MYO1B: variants seen among roughly 807,000 people sequenced by gnomAD.
MYO1B encodes myosin IB.
In MYO1B, 72 loss-of-function variants were observed where a neutral mutation model predicts 159.7. That is an observed-to-expected ratio of 0.45 (90% CI 0.37 to 0.55). The LOEUF is 0.55. Ranked by LOEUF, MYO1B falls within the 20% of genes least tolerant of loss-of-function variation. MYO1B has a pLI of 0.00. For missense variants in MYO1B, 1,062 were observed against 1,364.8 expected (o/e 0.78, Z 3.50); for synonymous variants, 468 against 473.8 (o/e 0.99, Z 0.16).
intron 27 of MYO1B, among the ~76,000 whole-genome samples, chr2:191,411,963 T>C (rs1697275652): frequency 1.3e-5 from 2 of 152,274 alleles, no homozygotes; most frequent in African/African-American, 4.8e-5. Context: ...GAATGTATTA[T>C]ATGCTGAGTA....
At chr2:191,329,490 CAT>C (rs1691316033) in intron 3 of MYO1B, among the ~76,000 whole-genome samples, 1 of 151,672 alleles carries the variant, frequency 6.6e-6, no homozygotes, top group Non-Finnish European at 1.5e-5. Flanking sequence ...CAATTTTAGA[CAT>C]GTGGTGTAAC....
chr2:191,414,200 A>C lies in MYO1B; in HGVS notation c.3006+20A>C. 1 of 1,601,884 alleles carries C rather than the reference A, an allele frequency of 6.2e-7. No homozygotes were observed. The highest frequency in any genetic ancestry group is 2.2e-5 in the East Asian group (1 of 44,708). On this transcript the variant is annotated intron_variant, in intron 28 of 30. Transcript: ENST00000392318. ...GGGAAGGTAAAAATGCTAACCTTGA[A>C]GACTGATAAGAAGTACCTATTAGTT... is the stretch of plus-strand genomic sequence containing the variant.
At chr2:191,270,767 T>G (rs1011372571) in intron 1 of MYO1B, among the ~76,000 whole-genome samples, 1 of 152,236 alleles carries the variant, frequency 6.6e-6, no homozygotes, top group Non-Finnish European at 1.5e-5. Flanking sequence ...CTCCATTTTC[T>G]TACCTAAATA....
rs779936278 is a variant in MYO1B at position 191,423,817 on chromosome 2, G to A, written c.3288-20G>A. The A allele has an allele frequency of 1.2e-6, 2 of 1,600,326 alleles. No homozygotes were observed. Among genetic ancestry groups the A allele is most frequent in the South Asian group, 2.3e-5 (2 of 88,668 alleles). On this transcript the variant is annotated intron_variant, in intron 30 of 30. Transcript: ENST00000392318. ...AGCTGTTTTGTGTATACTTTAATTT[G>A]TTTTATTCTTTTCTCCTAGGTTCCT... is the stretch of plus-strand genomic sequence containing the variant.
At chr2:191,420,876 A>G (rs1372203206) in intron 30 of MYO1B, among the ~76,000 whole-genome samples, 1 of 152,224 alleles carries the variant, frequency 6.6e-6, no homozygotes, top group Admixed American at 6.5e-5. Flanking sequence ...TATGAATGCC[A>G]TGAAATAATA....
At chr2:191,309,741 G>T (rs550443889) in intron 3 of MYO1B, among the ~76,000 whole-genome samples, 1 of 152,324 alleles carries the variant, frequency 6.6e-6, no homozygotes, top group South Asian at 2.1e-4. Context: ...AGCAATCCCT[G>T]AAATAGCCAA....
At chr2:191,352,684 A>G (rs1248526206) in intron 7 of MYO1B, among the ~76,000 whole-genome samples, 11 of 152,186 alleles carry the variant, frequency 7.2e-5, no homozygotes, top group Non-Finnish European at 1.6e-4. Context: ...TAGTGAGAAC[A>G]CCCTGGTATT....
intron 7 of MYO1B, among the ~76,000 whole-genome samples, chr2:191,352,286 G>A (rs909777717): frequency 2.0e-5 from 3 of 152,104 alleles, no homozygotes; most frequent in African/African-American, 7.2e-5. Flanking sequence ...AGCCTTTAGT[G>A]CTTTCTTTTT....
At chr2:191,337,436 T>A (rs1673300419) in intron 4 of MYO1B, among the ~76,000 whole-genome samples, 2 of 152,210 alleles carry the variant, frequency 1.3e-5, no homozygotes, top group Non-Finnish European at 2.9e-5. Context: ...CTGTACTTCC[T>A]TTCCATTGTT....
intron 24 of MYO1B, among the ~76,000 whole-genome samples, chr2:191,405,967 G>A (rs949217254): frequency 3.9e-5 from 6 of 152,214 alleles, no homozygotes; most frequent in African/African-American, 1.2e-4. Flanking sequence ...AGCTATGAAA[G>A]TCTAGATGGC....
chr2:191,331,735 T>C (rs1422969939), intron 4 of MYO1B, among the ~76,000 whole-genome samples: 1 of 152,190 alleles, frequency 6.6e-6, no homozygotes, highest in Non-Finnish European at 1.5e-5. Context: ...CATAGACATA[T>C]ATGCACGTAC....
intron 6 of MYO1B, among the ~76,000 whole-genome samples, chr2:191,346,494 T>G (rs1161395720): frequency 6.6e-6 from 1 of 152,238 alleles, no homozygotes; most frequent in Non-Finnish European, 1.5e-5. Context: ...TTATCATGTT[T>G]TCTTGACATC....
chr2:191,364,501 T>C (rs1693871764), intron 11 of MYO1B, among the ~76,000 whole-genome samples: 1 of 138,326 alleles, frequency 7.2e-6, no homozygotes, highest in Non-Finnish European at 1.5e-5. Context: ...AAGAAACAAG[T>C]GCTGTAGCAA....
chr2:191,406,703 G>A (rs910601843), intron 24 of MYO1B, among the ~76,000 whole-genome samples: 4 of 152,142 alleles, frequency 2.6e-5, no homozygotes, highest in African/African-American at 9.7e-5. Flanking sequence ...TTGAAATATT[G>A]TGAGAATTAT....
chr2:191,269,202 G>A (rs1687315967), intron 1 of MYO1B, among the ~76,000 whole-genome samples: 1 of 151,980 alleles, frequency 6.6e-6, no homozygotes, highest in Non-Finnish European at 1.5e-5. Context: ...CATTCTTTTT[G>A]TCTCTATGAA....
At chr2:191,287,390 C>T (rs961686505) in intron 2 of MYO1B, among the ~76,000 whole-genome samples, 13 of 151,940 alleles carry the variant, frequency 8.6e-5, no homozygotes, top group Non-Finnish European at 1.6e-4. Context: ...ATTAGCTTGG[C>T]GTGGTGGCGG....
At chr2:191,398,937 T>G (rs11886270) in intron 21 of MYO1B, among the ~76,000 whole-genome samples, 3 of 152,116 alleles carry the variant, frequency 2.0e-5, no homozygotes, top group African/African-American at 4.8e-5. Context: ...TAGGTTGTAG[T>G]GAGCTGAGAT....
At chr2:191,418,059 G>A (rs1439932420) in intron 30 of MYO1B, among the ~76,000 whole-genome samples, 2 of 152,194 alleles carry the variant, frequency 1.3e-5, no homozygotes, top group East Asian at 1.9e-4. Context: ...ACATTGGGTA[G>A]CATTATAATG....
chr2:191,395,562 C>T (rs558602706), intron 20 of MYO1B, among the ~76,000 whole-genome samples: 4 of 152,366 alleles, frequency 2.6e-5, no homozygotes, highest in African/African-American at 9.6e-5. Context: ...CCCCATGTTT[C>T]AGTGTATATT....
Sources: allele counts gnomAD v4.1 joint callset (sites outside exome capture counted in the v4.1 genomes callset), GRCh38; gene constraint gnomAD v4.1.1; transcripts MANE v1.5; gene names NCBI Gene and HGNC (gene_info 2026-07-23, HGNC 2026-07-21).